Variants in ARHGAP32 observed in about 807,000 individuals in gnomAD.
ARHGAP32 encodes rho GTPase-activating protein 32.
In ARHGAP32, 51 loss-of-function variants were observed where a neutral mutation model predicts 186.5. The observed-to-expected ratio is 0.27, with a 90% CI of 0.22 to 0.35. The LOEUF (loss-of-function observed/expected upper bound fraction) is 0.35, where lower values mean the gene tolerates loss of function less well. Among genes scored for constraint, ARHGAP32 ranks in the 10% least tolerant of loss-of-function variants. The probability of loss-of-function intolerance (pLI) is 1.00; values close to 1 mark genes in which losing one functional copy is unlikely to be tolerated. For synonymous variants in ARHGAP32, 950 were observed against 964.3 expected (o/e 0.99, Z 0.27); for missense variants, 2,186 against 2,623.5 (o/e 0.83, Z 3.64).
chr11:129,050,485 C>T (rs2135075847), intron 10 of ARHGAP32, among the ~76,000 whole-genome samples: 1 of 152,272 alleles, frequency 6.6e-6, no homozygotes. Flanking sequence ...GGACTACAGG[C>T]ACATGCTACT....
chr11:129,134,745 T>C (rs958663394), intron 2 of ARHGAP32, among the ~76,000 whole-genome samples: 1 of 152,148 alleles, frequency 6.6e-6, no homozygotes, highest in Non-Finnish European at 1.5e-5. Flanking sequence ...GGGAAGTGAT[T>C]ACATCATGAT....
intron 2 of ARHGAP32, among the ~76,000 whole-genome samples, chr11:129,141,071 A>C (rs111945439): frequency 9.2e-5 from 14 of 152,332 alleles, no homozygotes; most frequent in African/African-American, 3.4e-4. Context: ...ACTGCACAGC[A>C]CCTTAATAAT....
intron 1 of ARHGAP32, among the ~76,000 whole-genome samples, chr11:129,233,904 T>C (rs10750406): frequency 0.29 from 43,776 of 151,834 alleles, 6,651 homozygotes; most frequent in Middle Eastern, 0.4. Flanking sequence ...TTTTTACGGA[T>C]AGACATAATA....
intron 1 of ARHGAP32, among the ~76,000 whole-genome samples, chr11:129,269,202 T>C (rs1158172134): frequency 6.6e-6 from 1 of 152,036 alleles, no homozygotes; most frequent in Non-Finnish European, 1.5e-5. Flanking sequence ...GCCCAGTAAG[T>C]CGAGGCTTCA....
intron 1 of ARHGAP32, among the ~76,000 whole-genome samples, chr11:129,253,222 A>C (rs1185496783): frequency 1.3e-5 from 2 of 152,200 alleles, no homozygotes; most frequent in Non-Finnish European, 2.9e-5. Flanking sequence ...TTTGCTTCTT[A>C]AACAGGCACT....
intron 5 of ARHGAP32, among the ~76,000 whole-genome samples, chr11:129,095,221 T>G (rs1400170412): frequency 6.6e-6 from 1 of 152,176 alleles, no homozygotes; most frequent in Non-Finnish European, 1.5e-5. Flanking sequence ...GTGACAACAC[T>G]TTCATGAGAC....
intron 5 of ARHGAP32, among the ~76,000 whole-genome samples, chr11:129,099,978 G>C (rs568506355): frequency 6.6e-6 from 1 of 152,300 alleles, no homozygotes; most frequent in South Asian, 2.1e-4. Context: ...AGCTCCCGGG[G>C]AAGAGGTGAA....
intron 1 of ARHGAP32, among the ~76,000 whole-genome samples, chr11:129,273,210 C>CTG (rs373745528): frequency 1.7e-4 from 26 of 152,274 alleles, no homozygotes; most frequent in Non-Finnish European, 2.2e-4. Flanking sequence ...AAATGAACAC[C>CTG]TCCTGAGGGC....
chr11:129,138,278 C>T (rs1942976320), intron 2 of ARHGAP32, among the ~76,000 whole-genome samples: 1 of 130,828 alleles, frequency 7.6e-6, no homozygotes, highest in Admixed American at 8.4e-5. Flanking sequence ...ATATAAGCCA[C>T]AAGTATACCC....
At chr11:129,106,343 T>C (rs1942046015) in intron 5 of ARHGAP32, among the ~76,000 whole-genome samples, 1 of 151,822 alleles carries the variant, frequency 6.6e-6, no homozygotes, top group Non-Finnish European at 1.5e-5. Context: ...TACACAGCTA[T>C]AAAAAAGAAA....
intron 6 of ARHGAP32, among the ~76,000 whole-genome samples, chr11:129,069,059 C>T (rs2135167855): frequency 6.6e-6 from 1 of 152,130 alleles, no homozygotes; most frequent in East Asian, 1.9e-4. Context: ...CAAATTTATC[C>T]ATTATATCTT....
intron 1 of ARHGAP32, among the ~76,000 whole-genome samples, chr11:129,260,585 G>C (rs1445473163): frequency 6.6e-6 from 1 of 152,058 alleles, no homozygotes; most frequent in African/African-American, 2.4e-5. Flanking sequence ...ACCTTAGTAT[G>C]ATCATGTAAA....
intron 1 of ARHGAP32, among the ~76,000 whole-genome samples, chr11:129,206,451 A>C (rs1944515221): frequency 6.6e-6 from 1 of 152,066 alleles, no homozygotes; most frequent in Non-Finnish European, 1.5e-5. Flanking sequence ...GTCTCAAGGG[A>C]TCCTCCTTGC....
intron 2 of ARHGAP32, among the ~76,000 whole-genome samples, chr11:129,142,386 A>G (rs1943074359): frequency 6.6e-6 from 1 of 152,186 alleles, no homozygotes. Context: ...ACTGAACAGT[A>G]CAGACATAAT....
chr11:129,275,243 G>C (rs145674775), intron 1 of ARHGAP32, among the ~76,000 whole-genome samples: 8 of 152,324 alleles, frequency 5.3e-5, no homozygotes, highest in African/African-American at 1.9e-4. Context: ...TTTCAGGTTA[G>C]AGTTTCTAAT....
At chr11:129,062,219 T>C (rs992793022) in intron 10 of ARHGAP32, 61 bp downstream of exon 10, 6 of 1,427,012 alleles carry the variant, frequency 4.2e-6, no homozygotes, top group Non-Finnish European at 4.9e-6. Context: ...AACAAAAGTA[T>C]TACTGAATCA....
rs1176134890 is a variant in ARHGAP32, at chr11:128,967,946, T to TA, written c.*960dup. The TA allele has an allele frequency of 9.1e-4, 130 of 143,572 alleles. No homozygotes were observed. Among genetic ancestry groups the TA allele is most frequent in the Admixed American group, 2.4e-3 (34 of 14,318 alleles). The allele number at this position is 143,572 out of a possible 1,614,324, so 8.9% of individuals were successfully genotyped here. The stretch of plus-strand genomic sequence containing the variant: ...GGGCTTTTTTTTTTTTTTTTTTTTT[T>TA]AATGAAAGAAAGTTGATAATTTAGG... On this transcript the variant is annotated 3_prime_UTR_variant, in exon 23 of 23. Coordinates refer to ENST00000682385, the MANE Select transcript of ARHGAP32 (RefSeq NM_001378024.1).
chr11:129,178,680 C>T (rs569027820), intron 1 of ARHGAP32, among the ~76,000 whole-genome samples: 1 of 152,118 alleles, frequency 6.6e-6, no homozygotes, highest in Non-Finnish European at 1.5e-5. Context: ...CTGAGAAGAA[C>T]AAGCAATGGG....
intron 6 of ARHGAP32, among the ~76,000 whole-genome samples, chr11:129,076,140 T>G (rs757911128): frequency 3.9e-5 from 6 of 152,154 alleles, no homozygotes; most frequent in Non-Finnish European, 7.3e-5. Flanking sequence ...GATAACAACG[T>G]CAAGAAGTTA....
Sources: gnomAD v4.1 joint callset for allele counts (sites outside exome capture counted in the v4.1 genomes callset) on GRCh38, gnomAD v4.1.1 for gene constraint, MANE v1.5 for transcripts, NCBI Gene and HGNC (gene_info 2026-07-23, HGNC 2026-07-21) for gene names.